Variants in PKIB observed in about 807,000 individuals in gnomAD.
The protein encoded by PKIB is cAMP-dependent protein kinase inhibitor beta, also known as PKI-beta.
In PKIB, 2 loss-of-function variants were observed where a neutral mutation model predicts 4.5. The ratio of observed to expected loss-of-function variants is 0.44; its 90% CI spans 0.18 to 1.39. The LOEUF (loss-of-function observed/expected upper bound fraction) is 1.39. PKIB is among the 40% of genes most tolerant of loss of function. The probability of loss-of-function intolerance (pLI) is 0.27; values close to 1 mark genes in which losing one functional copy is unlikely to be tolerated. For synonymous variants in PKIB, 38 were observed against 36.0 expected, an observed-to-expected ratio of 1.06 and a Z score of -0.20; for missense variants, 94 against 92.6, an observed-to-expected ratio of 1.02 and a Z score of -0.06.
intron 4 of PKIB, among the ~76,000 whole-genome samples, chr6:122,718,689 C>T (rs941315211): frequency 6.6e-6 from 1 of 152,136 alleles, no homozygotes; most frequent in Non-Finnish European, 1.5e-5. Context: ...GGAATTTATT[C>T]TTGGTGACAA....
chr6:122,724,891 C>T (rs1364497370), intron 4 of PKIB, among the ~76,000 whole-genome samples: 1 of 152,070 alleles, frequency 6.6e-6, no homozygotes, highest in African/African-American at 2.4e-5. Context: ...AATGGAGGCT[C>T]TGAGAATACC....
chr6:122,493,263 T>C (rs558335900), intron 2 of PKIB: 5 of 152,342 alleles, frequency 3.3e-5, no homozygotes, highest in Non-Finnish European at 7.3e-5. Context: ...AGTGCTCTTA[T>C]AAATTGGCTC....
intron 2 of PKIB, among the ~76,000 whole-genome samples, chr6:122,486,577 T>C (rs1408953809): frequency 6.6e-6 from 1 of 152,118 alleles, no homozygotes; most frequent in Non-Finnish European, 1.5e-5. Context: ...GTTTTTTGTG[T>C]GTATGATTTT....
At chr6:122,662,450 C>T (rs549258815) in intron 2 of PKIB, among the ~76,000 whole-genome samples, 4 of 149,388 alleles carry the variant, frequency 2.7e-5, no homozygotes, top group East Asian at 4.0e-4. Context: ...CAAGTAGCTG[C>T]GATTATAGGC....
intron 2 of PKIB, chr6:122,479,390 T>G (rs1775540300): frequency 6.6e-6 from 1 of 152,166 alleles, no homozygotes; most frequent in African/African-American, 2.4e-5. Flanking sequence ...GGAAAAAAGT[T>G]CCTTATCCTA....
chr6:122,476,293 G>A (rs548737049), intron 1 of PKIB, among the ~76,000 whole-genome samples: 34 of 152,088 alleles, frequency 2.2e-4, no homozygotes, highest in Non-Finnish European at 4.1e-4. Context: ...ATTCTGAAAG[G>A]ATAAGCCAAA....
intron 2 of PKIB, among the ~76,000 whole-genome samples, chr6:122,490,824 A>T (rs1440864174): frequency 2.0e-5 from 3 of 152,234 alleles, no homozygotes; most frequent in Non-Finnish European, 4.4e-5. Flanking sequence ...GCAGAGGAAG[A>T]AGTTGTGCTG....
intron 3 of PKIB, among the ~76,000 whole-genome samples, chr6:122,707,114 G>A (rs536004242): frequency 1.3e-5 from 2 of 151,872 alleles, no homozygotes; most frequent in South Asian, 4.1e-4. Context: ...TTAATTGCAG[G>A]TTAATATAAA....
chr6:122,627,070 TAAA>T (rs60344840), intron 1 of PKIB, among the ~76,000 whole-genome samples: 17 of 108,312 alleles, frequency 1.6e-4, no homozygotes, highest in Admixed American at 1.9e-4. Flanking sequence ...CCGTCTCTAC[TAAA>T]AAAAAAAAAA....
chr6:122,499,627 G>A (rs1776166095), intron 2 of PKIB, among the ~76,000 whole-genome samples: 1 of 152,170 alleles, frequency 6.6e-6, no homozygotes, highest in Non-Finnish European at 1.5e-5. Flanking sequence ...AAAGCTGGAA[G>A]CATTTTCCTT....
intron 1 of PKIB, among the ~76,000 whole-genome samples, chr6:122,614,363 A>G (rs1384956377): frequency 6.6e-6 from 1 of 152,238 alleles, no homozygotes; most frequent in African/African-American, 2.4e-5. Context: ...TAATTGAAGA[A>G]GCAGCAACAG....
At position 122,472,040 on chromosome 6, in the gene PKIB, C is replaced by T. The variant is rs1332793037; in HGVS notation, c.-338C>T. ...ACCGTAGTTTGCCAAATTAAGAAAA[C>T]GGTGTGAGCAAAACCCACCTTTACC... is the stretch of plus-strand genomic sequence containing the variant. On this transcript the variant is annotated splice_region_variant and 5_prime_UTR_variant, in exon 1 of 7. Coordinates refer to the PKIB transcript ENST00000392491. 3 of 520,382 alleles carry T rather than the reference C, an allele frequency of 5.8e-6. No homozygotes were observed. In the East Asian group the frequency reaches 1.2e-4, roughly 21 times the overall value. The allele number at this position is 520,382 out of a possible 1,614,324, so 32.2% of individuals were successfully genotyped here. A position where few individuals can be genotyped will look rare whatever the true frequency, so the allele number is the denominator to read the frequency against.
At chr6:122,568,265 A>T (rs768909564) in intron 2 of PKIB, among the ~76,000 whole-genome samples, 1 of 152,184 alleles carries the variant, frequency 6.6e-6, no homozygotes, top group African/African-American at 2.4e-5. Context: ...GTGTGTAGAG[A>T]TTCACACCAT....
intron 2 of PKIB, among the ~76,000 whole-genome samples, chr6:122,634,374 T>A (rs1775827777): frequency 6.6e-6 from 1 of 151,940 alleles, no homozygotes; most frequent in Non-Finnish European, 1.5e-5. Flanking sequence ...AAATAAATAA[T>A]AAATAAATAA....
chr6:122,570,719 A>C (rs975949693), intron 2 of PKIB, among the ~76,000 whole-genome samples: 6 of 152,216 alleles, frequency 3.9e-5, no homozygotes, highest in Admixed American at 1.3e-4. Flanking sequence ...CAGATTCCTA[A>C]GAGGGAAAAA....
chr6:122,698,147 GCT>G (rs1361500002), intron 3 of PKIB, among the ~76,000 whole-genome samples: 6 of 152,150 alleles, frequency 3.9e-5, no homozygotes, highest in Non-Finnish European at 8.8e-5. Flanking sequence ...TCTCTACTGA[GCT>G]CTATCATGTA....
intron 2 of PKIB, among the ~76,000 whole-genome samples, chr6:122,562,197 T>G (rs1318190214): frequency 6.6e-6 from 1 of 152,052 alleles, no homozygotes. Flanking sequence ...AACGACTGTA[T>G]CTTTCCTTCA....
intron 3 of PKIB, among the ~76,000 whole-genome samples, chr6:122,710,812 C>T (rs530537308): frequency 6.6e-6 from 1 of 152,096 alleles, no homozygotes; most frequent in Non-Finnish European, 1.5e-5. Flanking sequence ...TGAACCCTAA[C>T]TTCTTTAAGC....
At chr6:122,600,958 T>A (rs1774344909) in intron 3 of PKIB, among the ~76,000 whole-genome samples, 1 of 151,974 alleles carries the variant, frequency 6.6e-6, no homozygotes, top group African/African-American at 2.4e-5. Context: ...AGATTGAGCA[T>A]GTTAAATAGA....
Sources: allele counts gnomAD v4.1 joint callset (sites outside exome capture counted in the v4.1 genomes callset), GRCh38; gene constraint gnomAD v4.1.1; transcripts MANE v1.5; gene names NCBI Gene and HGNC (gene_info 2026-07-23, HGNC 2026-07-21).